The following MROH9 variants were observed in gnomAD, a reference collection of about 807,000 sequenced individuals.
The protein encoded by MROH9 is maestro heat like repeat family member 9, also known as maestro heat-like repeat-containing protein family member 9.
In MROH9, 92 loss-of-function variants were observed where a neutral mutation model predicts 98.2. The observed-to-expected ratio is 0.94, with a 90% confidence interval of 0.79 to 1.11. The LOEUF (loss-of-function observed/expected upper bound fraction) is 1.11. Among genes scored for constraint, MROH9 ranks in the 50% most tolerant of loss-of-function variants. The pLI is 0.00. For synonymous variants in MROH9, 397 were observed against 368.9 expected, an observed-to-expected ratio of 1.08 and a Z score of -0.87; for missense variants, 1,057 against 1,014.8, an observed-to-expected ratio of 1.04 and a Z score of -0.57.
At chr1:170,966,730 C>T (rs1049366420) in intron 7 of MROH9, among the ~76,000 whole-genome samples, 1 of 152,110 alleles carries the variant, frequency 6.6e-6, no homozygotes, top group African/African-American at 2.4e-5. Flanking sequence ...GAGTGAGCGG[C>T]TTATTTCAAT....
intron 15 of MROH9, among the ~76,000 whole-genome samples, chr1:171,000,726 TTTGGTA>T (rs1466981185): frequency 1.3e-5 from 2 of 152,092 alleles, no homozygotes; most frequent in African/African-American, 2.4e-5. Context: ...TTTACCTGGT[TTTGGTA>T]TTAGGGTGAT....
chr1:171,029,100 G>A (rs1213649098), intron 20 of MROH9, among the ~76,000 whole-genome samples: 2 of 152,134 alleles, frequency 1.3e-5, no homozygotes, highest in Non-Finnish European at 2.9e-5. Context: ...GTTTTCAAAG[G>A]GAATGTTTCC....
chr1:171,012,432 T>G (rs2101830156), intron 15 of MROH9, among the ~76,000 whole-genome samples: 1 of 152,190 alleles, frequency 6.6e-6, no homozygotes, highest in South Asian at 2.1e-4. Context: ...ACTCCCTATC[T>G]TTCTGTGTAC....
chr1:170,978,490 G>A (rs1650801815), intron 8 of MROH9, among the ~76,000 whole-genome samples: 2 of 151,852 alleles, frequency 1.3e-5, no homozygotes, highest in African/African-American at 2.4e-5. Context: ...AGGAGTGGGG[G>A]TTGGGTATTT....
At chr1:171,059,531 A>T (rs997912031) in intron 20 of MROH9, among the ~76,000 whole-genome samples, 1 of 152,188 alleles carries the variant, frequency 6.6e-6, no homozygotes, top group Non-Finnish European at 1.5e-5. Flanking sequence ...CAGCAATCCC[A>T]TTACTGGGTA....
intron 20 of MROH9, among the ~76,000 whole-genome samples, chr1:171,060,358 A>T (rs767723736): frequency 2.0e-5 from 3 of 152,178 alleles, no homozygotes; most frequent in African/African-American, 7.2e-5. Flanking sequence ...GTTCTCCCCA[A>T]ATTGATCTGT....
chr1:170,955,703 T>C (rs1649732914), intron 3 of MROH9, among the ~76,000 whole-genome samples: 1 of 152,230 alleles, frequency 6.6e-6, no homozygotes, highest in South Asian at 2.1e-4. Context: ...TTGTTGTAGA[T>C]TCTGCATATT....
intron 3 of MROH9, among the ~76,000 whole-genome samples, chr1:170,952,274 C>T (rs531377255): frequency 6.6e-6 from 1 of 152,104 alleles, no homozygotes; most frequent in African/African-American, 2.4e-5. Flanking sequence ...GATTATAAGT[C>T]ATGCTGCTAT....
intron 1 of MROH9, among the ~76,000 whole-genome samples, chr1:170,938,764 C>A (rs891197419): frequency 4.6e-5 from 7 of 152,198 alleles, no homozygotes; most frequent in African/African-American, 1.4e-4. Context: ...GGACAAAATG[C>A]TTCCTCTTCT....
At chr1:170,994,877 G>T (rs1273004510) in intron 12 of MROH9, among the ~76,000 whole-genome samples, 1 of 144,750 alleles carries the variant, frequency 6.9e-6, no homozygotes, top group East Asian at 1.9e-4. Flanking sequence ...CAATATTCAG[G>T]ATTATGGCAG....
chr1:170,946,781 T>C (rs1401891652), intron 2 of MROH9, among the ~76,000 whole-genome samples: 1 of 151,952 alleles, frequency 6.6e-6, no homozygotes, highest in East Asian at 1.9e-4. Context: ...AAGGAAAACA[T>C]AACAGTTTCT....
intron 17 of MROH9, among the ~76,000 whole-genome samples, chr1:171,016,707 T>A (rs1203346810): frequency 6.6e-6 from 1 of 152,124 alleles, no homozygotes; most frequent in African/African-American, 2.4e-5. Context: ...TTTTTCCCCA[T>A]CTATAAAACA....
At chr1:170,976,261 T>G (rs923137538) in intron 8 of MROH9, among the ~76,000 whole-genome samples, 1 of 152,208 alleles carries the variant, frequency 6.6e-6, no homozygotes, top group East Asian at 1.9e-4. Context: ...TGTACTTCAG[T>G]GTATTTTTGC....
In MROH9 at chr1:171,041,144, C is replaced by T. The variant is rs77069210; in HGVS notation, c.2281+15724C>T. ...CCCTCATTCTCTTTCCACCCTCCCA[C>T]GTTTTGGAGTCACCAGCATCTATTA... On this transcript the variant is annotated intron_variant, in intron 20 of 21. Transcript: ENST00000367759. Among the ~76,000 whole-genome samples, 15 of 151,830 alleles carry T rather than the reference C, an allele frequency of 9.9e-5. No homozygotes were observed. The South Asian group carries it at 1.7e-3, about 17-fold the overall frequency.
chr1:170,935,982 C>CAAAAAAAA (rs59883013), intron 1 of MROH9, among the ~76,000 whole-genome samples: 16 of 62,256 alleles, frequency 2.6e-4, no homozygotes, highest in African/African-American at 3.1e-4. Context: ...CAGAGTGAGA[C>CAAAAAAAA]AAAAAAAAAA....
At chr1:170,941,929 T>C (rs1384940643) in intron 1 of MROH9, among the ~76,000 whole-genome samples, 2 of 152,126 alleles carry the variant, frequency 1.3e-5, no homozygotes, top group Non-Finnish European at 2.9e-5. Flanking sequence ...TTCCTAACTT[T>C]CTCCTCATTG....
At chr1:171,057,428 A>T (rs1377133320) in intron 20 of MROH9, among the ~76,000 whole-genome samples, 3 of 152,222 alleles carry the variant, frequency 2.0e-5, no homozygotes, top group Non-Finnish European at 4.4e-5. Flanking sequence ...AAAAGAATGA[A>T]AAGGAACAAA....
chr1:170,952,754 AAT>A (rs370307244), intron 3 of MROH9, among the ~76,000 whole-genome samples: 63 of 149,506 alleles, frequency 4.2e-4, no homozygotes, highest in Admixed American at 1.1e-3. Context: ...TATAATAAAA[AAT>A]ATATATATAT....
At chr1:170,959,906 A>G (rs1031826876) in intron 5 of MROH9, among the ~76,000 whole-genome samples, 5 of 152,248 alleles carry the variant, frequency 3.3e-5, no homozygotes, top group African/African-American at 1.2e-4. Context: ...AGATGGAAGT[A>G]GAAAGAATCC....
Sources: allele counts gnomAD v4.1 joint callset (sites outside exome capture counted in the v4.1 genomes callset), GRCh38; gene constraint gnomAD v4.1.1; transcripts MANE v1.5; gene names NCBI Gene and HGNC (gene_info 2026-07-23, HGNC 2026-07-21).